TENM1: variants seen among roughly 807,000 people sequenced by gnomAD.
The protein encoded by TENM1 is teneurin transmembrane protein 1, also known as teneurin-1.
TENM1 carries 35 observed loss-of-function variants against 174.8 expected under a neutral mutation model. The observed-to-expected ratio is 0.20, with a 90% CI of 0.15 to 0.27. The LOEUF (loss-of-function observed/expected upper bound fraction) is 0.27. Among genes scored for constraint, TENM1 ranks in the 10% least tolerant of loss-of-function variants. The probability of loss-of-function intolerance (pLI) is 1.00; values close to 1 mark genes in which losing one functional copy is unlikely to be tolerated. For missense variants in TENM1, 1,633 were observed against 2,130.1 expected (o/e 0.77, Z 4.59); for synonymous variants, 781 against 798.7 (o/e 0.98, Z 0.37).
chrX:124,573,529 C>T (rs1470408813), intron 11 of TENM1, among the ~76,000 whole-genome samples: 2 of 111,724 alleles, frequency 1.8e-5, no homozygotes, highest in Non-Finnish European at 3.8e-5. Context: ...CAGTAAAAAA[C>T]AACTGTCTTT....
At position 124,722,387 on chromosome X, in the gene TENM1, T is replaced by C. The variant is rs144656977; in HGVS notation, c.776+14570A>G. On this transcript the variant is annotated intron_variant, in intron 4 of 31. Transcript: ENST00000422452. ...ATAAAAAGTTCGAGTTCTAATTGTGTCTTGGCCAGTGATAGGTGCTTGCCC... is the reference window on the plus strand; with the variant it reads ...ATAAAAAGTTCGAGTTCTAATTGTGCCTTGGCCAGTGATAGGTGCTTGCCC... Among the ~76,000 whole-genome samples the C allele has an allele frequency of 1.9e-3, 209 of 111,763 alleles. 2 individuals carry two copies. The East Asian group carries it at 0.044, about 23-fold the overall frequency.
At chrX:124,448,276 A>G (rs2060987447) in intron 23 of TENM1, among the ~76,000 whole-genome samples, 2 of 109,767 alleles carry the variant, frequency 1.8e-5, no homozygotes, top group African/African-American at 6.5e-5. Flanking sequence ...AAGAAATATC[A>G]GCTGAACATC....
At chrX:124,657,968 G>A (rs1033992655) in intron 6 of TENM1, among the ~76,000 whole-genome samples, 1 of 112,195 alleles carries the variant, frequency 8.9e-6, no homozygotes, top group Non-Finnish European at 1.9e-5. Context: ...TAGACCTAGT[G>A]TGTGTCTCAC....
intron 5 of TENM1, among the ~76,000 whole-genome samples, chrX:124,690,048 C>T (rs1018423809): frequency 9.0e-6 from 1 of 111,715 alleles, no homozygotes; most frequent in African/African-American, 3.2e-5. Flanking sequence ...AAGGGACCTA[C>T]ATGAGTTAAA....
chrX:124,675,740 C>T (rs1308405860), intron 5 of TENM1, among the ~76,000 whole-genome samples: 3 of 107,938 alleles, frequency 2.8e-5, no homozygotes, highest in Non-Finnish European at 3.8e-5. Context: ...TAGAATACAA[C>T]GTTAAGGGAA....
At chrX:125,065,503 T>C in the TENM1 span, among the ~76,000 whole-genome samples, 8 of 111,781 alleles carry the variant, frequency 7.2e-5, no homozygotes, top group East Asian at 2.3e-3. Flanking sequence ...AGGCCACCCA[T>C]TTTTCTTCAG....
At position 124,705,067 on chromosome X, in the gene TENM1, A is replaced by G. The variant is rs766180492; in HGVS notation, c.961T>C (p.Leu321=). 5 of 1,209,498 alleles carry G rather than the reference A, an allele frequency of 4.1e-6. No individual in the cohort carries two copies. In the East Asian group the frequency reaches 1.5e-4, roughly 36 times the overall value. ...GTCACTGTGATTGCAGTGGCGCTCA[A>G]TGCTGTGCACTTCCAGTTGCAGCAC... Residue 321 remains leucine, a synonymous_variant, in exon 5 of 32, where the codon TTG becomes CTG. Coordinates refer to ENST00000422452, the Ensembl canonical transcript of TENM1.
chrX:124,727,965 CT>C (rs1282585793), intron 4 of TENM1, among the ~76,000 whole-genome samples: 4 of 109,669 alleles, frequency 3.6e-5, no homozygotes, highest in Non-Finnish European at 5.7e-5. Flanking sequence ...CTATTGTTTT[CT>C]TTTTTTTTAT....
the TENM1 span, among the ~76,000 whole-genome samples, chrX:125,187,431 T>C: frequency 9.0e-6 from 1 of 111,387 alleles, no homozygotes; most frequent in African/African-American, 3.3e-5. Context: ...TACAGAGAGG[T>C]ATGTATAAGA....
intron 3 of TENM1, among the ~76,000 whole-genome samples, chrX:124,884,090 G>C (rs1372467132): frequency 9.0e-6 from 1 of 111,265 alleles, no homozygotes; most frequent in Non-Finnish European, 1.9e-5. Context: ...TGTCAGGCAG[G>C]TAGGGAGTGT....
chrX:124,705,763 T>C (rs57510828), intron 4 of TENM1, among the ~76,000 whole-genome samples: 2,269 of 112,325 alleles, frequency 0.02, 30 homozygotes, highest in African/African-American at 0.037. Flanking sequence ...TAATAAACAA[T>C]CACATACTCA....
chrX:125,025,680 G>C, the TENM1 span, among the ~76,000 whole-genome samples: 1 of 111,262 alleles, frequency 9.0e-6, no homozygotes, highest in African/African-American at 3.3e-5. Flanking sequence ...TAAGAAATTA[G>C]TGACCGGGGA....
the TENM1 span, among the ~76,000 whole-genome samples, chrX:125,118,727 T>C: frequency 9.1e-6 from 1 of 110,208 alleles, no homozygotes. Flanking sequence ...CTGATACACA[T>C]CTATTAGAAC....
At chrX:124,735,067 A>C (rs975959360) in intron 4 of TENM1, among the ~76,000 whole-genome samples, 2 of 112,349 alleles carry the variant, frequency 1.8e-5, no homozygotes, top group African/African-American at 6.5e-5. Context: ...CTCAAAAGCA[A>C]ATGCAACAAC....
intron 3 of TENM1, among the ~76,000 whole-genome samples, chrX:124,844,113 T>C (rs952700069): frequency 6.3e-5 from 7 of 111,439 alleles, no homozygotes; most frequent in Middle Eastern, 4.7e-3. Flanking sequence ...TTTTTCTACT[T>C]CAGTGCTGTG....
chrX:124,633,381 C>G (rs10521727), intron 11 of TENM1, among the ~76,000 whole-genome samples: 2,987 of 111,451 alleles, frequency 0.027, 98 homozygotes, highest in African/African-American at 0.091. Context: ...TGGTTTGGAA[C>G]AGTTAGTAGA....
At chrX:124,979,541 A>T in the TENM1 span, among the ~76,000 whole-genome samples, 1 of 111,978 alleles carries the variant, frequency 8.9e-6, no homozygotes, top group Non-Finnish European at 1.9e-5. Flanking sequence ...TAAGTAAAAT[A>T]TATTTTTTAA....
At chrX:124,696,541 C>G (rs2052655464) in intron 5 of TENM1, among the ~76,000 whole-genome samples, 1 of 110,655 alleles carries the variant, frequency 9.0e-6, no homozygotes, top group Non-Finnish European at 1.9e-5. Context: ...TCTCTCTCTC[C>G]TCTCTCTCTT....
rs139600075 is a variant in TENM1, at chrX:124,399,504, T to A, written c.5391+5527A>T. On this transcript the variant is annotated intron_variant, in intron 27 of 31. Transcript: ENST00000422452. ...TTTACCTTGGACATTTTTTGCACTA[T>A]GCTAATTTGCCCTTGCTTAAGTACT... 8.0e-5 allele frequency among the ~76,000 whole-genome samples: 9 copies of A among 112,551 alleles called. No homozygotes were observed. In the East Asian group the frequency reaches 2.5e-3, roughly 31 times the overall value.
Sources: gnomAD v4.1 joint callset for allele counts (sites outside exome capture counted in the v4.1 genomes callset) on GRCh38, gnomAD v4.1.1 for gene constraint, MANE v1.5 for transcripts, NCBI Gene and HGNC (gene_info 2026-07-23, HGNC 2026-07-21) for gene names.